FZD3: variants seen among roughly 807,000 people sequenced by gnomAD.
FZD3 encodes frizzled class receptor 3, also known as frizzled-3.
Under a neutral mutation model 60.7 loss-of-function variants are expected in FZD3, and 30 were observed. The observed-to-expected ratio is 0.49, with a 90% CI of 0.37 to 0.67. The LOEUF (loss-of-function observed/expected upper bound fraction) is 0.67, where lower values mean the gene tolerates loss of function less well. Among genes scored for constraint, FZD3 ranks in the 30% least tolerant of loss-of-function variants. The pLI is 0.00. For missense variants in FZD3, 605 were observed against 838.7 expected, an observed-to-expected ratio of 0.72 and a Z score of 3.44; for synonymous variants, 246 against 275.2, an observed-to-expected ratio of 0.89 and a Z score of 1.05.
In FZD3 at chr8:28,520,634, C is replaced by G. The variant is rs770235083; in HGVS notation, c.190-4C>G. ...CTAATTATTCAATTTTAACTTTTCC[C>G]TAGCCATTCCACCCTATGGTGAATC... On this transcript the variant is annotated splice_polypyrimidine_tract_variant and splice_region_variant and intron_variant, in intron 3 of 7. Transcript: ENST00000240093. The G allele has an allele frequency of 4.6e-6, 7 of 1,533,894 alleles. No homozygotes were observed. In the Admixed American group the frequency reaches 1.3e-4, roughly 29 times the overall value.
rs1226910971 is a variant in FZD3, at chr8:28,568,036, A to G, written c.*5025A>G. On this transcript the variant is annotated 3_prime_UTR_variant, in exon 8 of 8. Transcript: ENST00000240093. ...TCACTTGTTGGTTTTCATTGTGGCA[A>G]AACTTTAAATTTTAAGTCATCACAC... 2.0e-5 allele frequency: 3 copies of G among 152,172 alleles called. No individual in the cohort carries two copies. The highest frequency in any genetic ancestry group is 4.8e-5 in the African/African-American group (2 of 41,462). 9.4% of individuals were successfully genotyped at this position (152,172 alleles called of 1,614,324 possible).
At chr8:28,497,792 T>C (rs1270834369) in intron 1 of FZD3, among the ~76,000 whole-genome samples, 2 of 152,200 alleles carry the variant, frequency 1.3e-5, no homozygotes, top group Non-Finnish European at 2.9e-5. Context: ...CTCATCATCC[T>C]TTCTTCTGGG....
chr8:28,529,550 G>A lies in FZD3; in HGVS notation c.1404+1386G>A, dbSNP rs114804970. Among the ~76,000 whole-genome samples the A allele has an allele frequency of 2.0e-3, 312 of 152,228 alleles. 1 individual carries two copies. The highest frequency in any genetic ancestry group is 7.3e-3 in the African/African-American group (305 of 41,530). On this transcript the variant is annotated intron_variant, in intron 5 of 7. Transcript: ENST00000240093. Reference sequence around the variant, plus strand: ...GGGACATTTTTAAGACATGGTAACAGAAATGTACATTTAAGAAATGGTTAC... The same window carrying A: ...GGGACATTTTTAAGACATGGTAACAAAAATGTACATTTAAGAAATGGTTAC...
rs556613170 is a variant in FZD3 at position 28,569,978 on chromosome 8, G to C, written c.*6967G>C. The C allele has an allele frequency of 6.6e-6, 1 of 151,896 alleles. No homozygotes were observed. The highest frequency in any genetic ancestry group is 1.5e-5 in the Non-Finnish European group (1 of 68,000). 9.4% of individuals were successfully genotyped at this position (151,896 alleles called of 1,614,324 possible). A position where few individuals can be genotyped will look rare whatever the true frequency, so the allele number is the denominator to read the frequency against. ...ATTAAAATAATTATAAAATGTAAAA[G>C]AAATTTCAGAGGAGTTGATTGAAAA... On this transcript the variant is annotated 3_prime_UTR_variant, in exon 8 of 8. Coordinates refer to ENST00000240093, the MANE Select transcript of FZD3 (RefSeq NM_017412.4).
intron 3 of FZD3, among the ~76,000 whole-genome samples, chr8:28,512,992 A>G (rs974343199): frequency 3.9e-5 from 6 of 152,158 alleles, no homozygotes; most frequent in Non-Finnish European, 1.5e-5. Flanking sequence ...CATTTACTTT[A>G]TTATTTTTTG....
chr8:28,529,746 A>G (rs1156295346), intron 5 of FZD3, among the ~76,000 whole-genome samples: 2 of 152,158 alleles, frequency 1.3e-5, no homozygotes, highest in African/African-American at 2.4e-5. Flanking sequence ...CTTAGAGACT[A>G]GGAAAAAATG....
intron 5 of FZD3, among the ~76,000 whole-genome samples, chr8:28,540,833 TACTC>T (rs906797929): frequency 3.9e-5 from 6 of 152,114 alleles, no homozygotes; most frequent in East Asian, 1.9e-4. Context: ...TAATCCCAGA[TACTC>T]AGGAGGCTGA....
chr8:28,495,258 T>A (rs6558066), intron 1 of FZD3, among the ~76,000 whole-genome samples: 3,828 of 152,176 alleles, frequency 0.025, 200 homozygotes, highest in African/African-American at 0.086. Context: ...GATTTCAGAT[T>A]TAGAGAGACT....
rs537432538 is a variant in FZD3, at chr8:28,560,651, T to C, written c.1788-2147T>C. Among the ~76,000 whole-genome samples, 4 of 152,298 alleles carry C rather than the reference T, an allele frequency of 2.6e-5. No homozygotes were observed. The South Asian group carries it at 8.3e-4, about 32-fold the overall frequency. ...TTAAAAGATAACTTTATATCATTAC[T>C]AGAAAACCGCATCATATTTTGCTCT... is the stretch of plus-strand genomic sequence containing the variant. On this transcript the variant is annotated intron_variant, in intron 7 of 7. Transcript: ENST00000240093.
intron 5 of FZD3, among the ~76,000 whole-genome samples, chr8:28,531,239 T>C (rs1218949874): frequency 1.3e-5 from 2 of 152,130 alleles, no homozygotes; most frequent in African/African-American, 4.8e-5. Flanking sequence ...AATTTGCTGT[T>C]ATGCAAGTTT....
Position 28,555,911 on chromosome 8 carries a change from G to GA in FZD3, c.1729dup (p.Ser577LysfsTer18). The stretch of plus-strand genomic sequence containing the variant: ...GTGGATGATCAAAGAAGCAAAGCAG[G>GA]AAGCATCCACAGCAAAGTGAGCAGC... On this transcript the variant is annotated frameshift_variant, in exon 7 of 8. Coordinates refer to ENST00000240093, the MANE Select transcript of FZD3 (RefSeq NM_017412.4). LOFTEE classifies it high-confidence loss of function. 6.2e-7 allele frequency: 1 copy of GA among 1,614,048 alleles called. No individual in the cohort carries two copies. The highest frequency in any genetic ancestry group is 8.5e-7 in the Non-Finnish European group (1 of 1,179,964).
chr8:28,509,319 A>G (rs1484350937), intron 3 of FZD3, among the ~76,000 whole-genome samples: 1 of 151,758 alleles, frequency 6.6e-6, no homozygotes, highest in East Asian at 1.9e-4. Context: ...AACCTTAAAT[A>G]TAACACTTAT....
chr8:28,527,742 G>A lies in FZD3; in HGVS notation c.982G>A (p.Ala328Thr). Residue 328 changes from alanine (A) to threonine (T), a missense_variant, in exon 5 of 8, where the codon GCA (alanine) becomes ACA (threonine). Coordinates refer to ENST00000240093, the MANE Select transcript of FZD3 (RefSeq NM_017412.4). This position sits in a 1 kb window ranked among gnomAD's most constrained non-coding sequence, Gnocchi z 5.0. The stretch of plus-strand genomic sequence containing the variant: ...GGGTAGTGAAGCTATTGAGAAGAAA[G>A]CATTGCTGTTTCACGCCAGTGCATG... ...KWGSEAIEKK[A>T]LLFHASAWGI... is the part of the protein sequence containing the mutation. The A allele has an allele frequency of 3.7e-6, 6 of 1,614,178 alleles. No individual in the cohort carries two copies. The highest frequency in any genetic ancestry group is 5.1e-6 in the Non-Finnish European group (6 of 1,180,008).
rs1453066702 is a variant in FZD3 at position 28,566,794 on chromosome 8, C to T, written c.*3783C>T. On this transcript the variant is annotated 3_prime_UTR_variant, in exon 8 of 8. Coordinates refer to ENST00000240093, the MANE Select transcript of FZD3 (RefSeq NM_017412.4). ...ACATAGTCTGGTGTAATGAAAATTC[C>T]CCTGGGATTGGAATTTTAAGACTCA... The T allele has an allele frequency of 1.3e-5, 2 of 151,890 alleles. No homozygotes were observed. The highest frequency in any genetic ancestry group is 2.9e-5 in the Non-Finnish European group (2 of 67,980). 9.4% of individuals were successfully genotyped at this position (151,890 alleles called of 1,614,324 possible). A position where few individuals can be genotyped will look rare whatever the true frequency, so the allele number is the denominator to read the frequency against.
chr8:28,522,628 A>C (rs905418582), intron 4 of FZD3, among the ~76,000 whole-genome samples: 25 of 152,038 alleles, frequency 1.6e-4, no homozygotes. Context: ...TTTTATTTTA[A>C]TAGCTTATAT....
chr8:28,561,485 C>G (rs1805611633), intron 7 of FZD3, among the ~76,000 whole-genome samples: 1 of 151,870 alleles, frequency 6.6e-6, no homozygotes, highest in African/African-American at 2.4e-5. Flanking sequence ...ATAAATAATT[C>G]ACACTGAGTC....
rs1805715000 is a variant in FZD3, at chr8:28,566,909, C to T, written c.*3898C>T. 6.6e-6 allele frequency: 1 copy of T among 152,090 alleles called. No homozygotes were observed. Among genetic ancestry groups the T allele is most frequent in the Admixed American group, 6.5e-5 (1 of 15,268 alleles). The allele number at this position is 152,090 out of a possible 1,614,324, so 9.4% of individuals were successfully genotyped here. On this transcript the variant is annotated 3_prime_UTR_variant, in exon 8 of 8. Coordinates refer to ENST00000240093, the MANE Select transcript of FZD3 (RefSeq NM_017412.4). ...TAAGGTAATTTTTGGTTTTAGCCTC[C>T]CTCACTGGATATTGTAAGGATCAAA...
chr8:28,522,944 A>G (rs1379470952), intron 4 of FZD3, among the ~76,000 whole-genome samples: 1 of 151,478 alleles, frequency 6.6e-6, no homozygotes, highest in East Asian at 1.9e-4. Flanking sequence ...TAATTTTTGC[A>G]TTTTTGGTAG....
chr8:28,543,893 T>A (rs1022002975), intron 5 of FZD3, among the ~76,000 whole-genome samples: 3 of 152,192 alleles, frequency 2.0e-5, no homozygotes, highest in African/African-American at 7.2e-5. Context: ...CCTTAGAATT[T>A]ACCTATTCCA....
Sources: gnomAD v4.1 joint callset for allele counts (sites outside exome capture counted in the v4.1 genomes callset) on GRCh38, gnomAD v4.1.1 for gene constraint, Gnocchi (gnomAD v3.1) non-coding constraint, MANE v1.5 for transcripts, NCBI Gene and HGNC (gene_info 2026-07-23, HGNC 2026-07-21) for gene names.